SLC2A12: variants seen among roughly 807,000 people sequenced by gnomAD.
SLC2A12 encodes solute carrier family 2 member 12.
SLC2A12 carries 23 observed loss-of-function variants against 41.8 expected under a neutral mutation model. The observed-to-expected ratio is 0.55, with a 90% CI of 0.40 to 0.78. SLC2A12 has a LOEUF of 0.78. SLC2A12 is among the 30% of genes least tolerant of loss of function. The pLI, the probability that SLC2A12 is intolerant of heterozygous loss-of-function variation, is 0.00. For synonymous variants in SLC2A12, 295 were observed against 285.9 expected, an observed-to-expected ratio of 1.03 and a Z score of -0.32; for missense variants, 654 against 745.6, an observed-to-expected ratio of 0.88 and a Z score of 1.43.
chr6:134,020,097 A>G lies in SLC2A12; in HGVS notation c.1444+8284T>C, dbSNP rs539714469. Among the ~76,000 whole-genome samples the G allele has an allele frequency of 1.4e-3, 218 of 152,318 alleles. 1 individual carries two copies. Among genetic ancestry groups the G allele is most frequent in the African/African-American group, 5.1e-3 (212 of 41,570 alleles). On this transcript the variant is annotated intron_variant, in intron 2 of 4. Transcript: ENST00000275230. ...GGATTCTAAATTCTGGGGCAACCCA[A>G]TTATTTTACAGTTAGGGGAACAGGG...
chr6:134,028,924 C>A lies in SLC2A12; in HGVS notation c.901G>T (p.Ala301Ser). The change falls in exon 2 of 5, where the codon GCA (alanine) becomes TCA (serine). Residue 301 changes from alanine to serine, a missense_variant. Physicochemically the swap from Ala to Ser is moderately conservative, Grantham distance 99. Around this residue, in one of 3 missense-constraint regions of SLC2A12, gnomAD observed 411 missense variants for 412.1 expected, o/e 1.00. Coordinates refer to ENST00000275230, the MANE Select transcript of SLC2A12 (RefSeq NM_145176.3). ...CCAACTGACTTCAAAACAGTTGATG[C>A]ATAGAACAATATGTTTGGTTGGCCA... ...ITGQPNILFYASTVLKSVGFQ... is the reference protein window; with the variant it reads ...ITGQPNILFYSSTVLKSVGFQ... 6.2e-7 allele frequency: 1 copy of A among 1,614,216 alleles called. No homozygotes were observed.
At chr6:134,016,155 A>G (rs933985943) in intron 2 of SLC2A12, among the ~76,000 whole-genome samples, 15 of 152,138 alleles carry the variant, frequency 9.9e-5, no homozygotes, top group African/African-American at 3.4e-4. Flanking sequence ...GGCTGTTTGT[A>G]TAATAGCCTT....
intron 1 of SLC2A12, among the ~76,000 whole-genome samples, chr6:134,047,265 C>T (rs1777470415): frequency 6.6e-6 from 1 of 152,082 alleles, no homozygotes; most frequent in South Asian, 2.1e-4. Flanking sequence ...ATTTTAAAAT[C>T]TTATATAACC....
At chr6:134,002,534 C>T (rs186177930) in intron 3 of SLC2A12, among the ~76,000 whole-genome samples, 1 of 152,246 alleles carries the variant, frequency 6.6e-6, no homozygotes, top group African/African-American at 2.4e-5. Context: ...TCTTGGGAAT[C>T]GCCATGGTAG....
Position 134,029,364 on chromosome 6 carries a change from T to C in SLC2A12, c.461A>G (p.Tyr154Cys). 6.2e-7 allele frequency: 1 copy of C among 1,614,174 alleles called. No individual in the cohort carries two copies. The highest frequency in any genetic ancestry group is 8.5e-7 in the Non-Finnish European group (1 of 1,180,036). ...ISLSSIATCVYIAEIAPQHRR... is the reference protein window; with the variant it reads ...ISLSSIATCVCIAEIAPQHRR... ...GTGTTGAGGAGCAATCTCTGCGATG[T>C]AAACACAAGTGGCAATGGAAGAGAG... The change falls in exon 2 of 5, where the codon TAC (tyrosine) becomes TGC (cysteine). Residue 154 changes from tyrosine (Y) to cysteine (C), a missense_variant. Tyr to Cys is a radical substitution (Grantham distance 194, BLOSUM62 -2). Transcript: ENST00000275230.
chr6:134,052,342 C>T lies in SLC2A12; in HGVS notation c.103+36G>A, dbSNP rs773790794. The T allele has an allele frequency of 2.6e-6, 4 of 1,563,418 alleles. No individual in the cohort carries two copies. In the Admixed American group the frequency reaches 6.7e-5, roughly 26 times the overall value. On this transcript the variant is annotated intron_variant, in intron 1 of 4. Coordinates refer to ENST00000275230, the MANE Select transcript of SLC2A12 (RefSeq NM_145176.3). ...CTCGGGAGATGAGTACAGCTTGCTT[C>T]TCTGCGGTCACCCGAGCACTGCAGG...
intron 4 of SLC2A12, among the ~76,000 whole-genome samples, chr6:133,993,699 T>C (rs1211137023): frequency 6.6e-6 from 1 of 152,102 alleles, no homozygotes; most frequent in Non-Finnish European, 1.5e-5. Context: ...GGCTACACAA[T>C]TGGGATTTGA....
rs1554305066 is a variant in SLC2A12 at position 133,987,660 on chromosome 6, A to ATATATG, written c.*3494_*3495insCATATA. ...TGTGTGTGTGTGTGTATATATATAT[A>ATATATG]TATATATGCACCACATGTGTATAGT... On this transcript the variant is annotated 3_prime_UTR_variant, in exon 5 of 5. Coordinates refer to ENST00000275230, the MANE Select transcript of SLC2A12 (RefSeq NM_145176.3). 2.1e-5 allele frequency: 3 copies of ATATATG among 145,018 alleles called. No homozygotes were observed. Among genetic ancestry groups the ATATATG allele is most frequent in the Admixed American group, 7.1e-5 (1 of 14,034 alleles). 9.0% of individuals were successfully genotyped at this position (145,018 alleles called of 1,614,324 possible).
chr6:133,989,464 C>T lies in SLC2A12; in HGVS notation c.*1691G>A, dbSNP rs1303951329. 6.6e-6 allele frequency: 1 copy of T among 152,012 alleles called. No individual in the cohort carries two copies. Among genetic ancestry groups the T allele is most frequent in the African/African-American group, 2.4e-5 (1 of 41,376 alleles). 9.4% of individuals were successfully genotyped at this position (152,012 alleles called of 1,614,324 possible). On this transcript the variant is annotated 3_prime_UTR_variant, in exon 5 of 5. Coordinates refer to ENST00000275230, the MANE Select transcript of SLC2A12 (RefSeq NM_145176.3). ...ATAATGAAGGGCTAAACAAAAAATA[C>T]CTGAAGTATATATAGAGTTTGAACT...
chr6:134,005,659 T>TGAA (rs1406443549), intron 3 of SLC2A12, among the ~76,000 whole-genome samples: 30 of 64,966 alleles, frequency 4.6e-4, no homozygotes, highest in Non-Finnish European at 5.6e-4. Context: ...GACTCTGTCT[T>TGAA]AAAAAAAAAA....
At chr6:134,006,767 T>C (rs762561748) in intron 3 of SLC2A12, 45 bp downstream of exon 3, 41 of 1,610,200 alleles carry the variant, frequency 2.5e-5, no homozygotes, top group Non-Finnish European at 3.4e-5. Flanking sequence ...CTAACATTTG[T>C]CCTACGAGGA....
intron 2 of SLC2A12, among the ~76,000 whole-genome samples, chr6:134,019,639 T>C (rs1048119326): frequency 3.3e-5 from 5 of 152,154 alleles, no homozygotes; most frequent in African/African-American, 9.7e-5. Context: ...AGGGAGGGGC[T>C]CTTAGCCTCT....
intron 1 of SLC2A12, among the ~76,000 whole-genome samples, 197 bp downstream of exon 1, chr6:134,052,181 T>A (rs1773692961): frequency 6.6e-6 from 1 of 150,628 alleles, no homozygotes; most frequent in Non-Finnish European, 1.5e-5. Context: ...CTCCGAGCTG[T>A]CCCACGTCCC....
intron 1 of SLC2A12, among the ~76,000 whole-genome samples, chr6:134,049,523 C>T (rs1385517855): frequency 1.3e-5 from 2 of 152,178 alleles, no homozygotes; most frequent in African/African-American, 4.8e-5. Context: ...TCAGATTTCC[C>T]TTGTGTGAGT....
chr6:134,011,934 T>A (rs1398500920), intron 2 of SLC2A12, among the ~76,000 whole-genome samples: 4 of 152,020 alleles, frequency 2.6e-5, no homozygotes, highest in African/African-American at 9.7e-5. Flanking sequence ...CCCAGCTACT[T>A]GGGAAGCTAA....
chr6:133,992,214 G>A (rs754087006), intron 4 of SLC2A12, among the ~76,000 whole-genome samples: 5 of 152,146 alleles, frequency 3.3e-5, no homozygotes, highest in South Asian at 2.1e-4. Context: ...CATAGGAGGG[G>A]GAAATTGATG....
chr6:134,034,487 C>T (rs1777265546), intron 1 of SLC2A12, among the ~76,000 whole-genome samples: 2 of 152,198 alleles, frequency 1.3e-5, no homozygotes, highest in African/African-American at 2.4e-5. Context: ...GACTCTGATA[C>T]TTCAAGACTT....
At chr6:134,052,304 A>ACACACAC in intron 1 of SLC2A12, 74 bp downstream of exon 1, 1 of 783,536 alleles carries the variant, frequency 1.3e-6, no homozygotes, top group Non-Finnish European at 2.0e-6. Context: ...CACGGGACTC[A>ACACACAC]AGAGACAGTA....
chr6:133,996,101 T>G (rs1157624207), intron 4 of SLC2A12, among the ~76,000 whole-genome samples: 2 of 152,248 alleles, frequency 1.3e-5, no homozygotes, highest in Non-Finnish European at 2.9e-5. Context: ...CTGATAATGT[T>G]ATTGTAGAAC....
Sources: gnomAD v4.1 joint callset for allele counts (sites outside exome capture counted in the v4.1 genomes callset) on GRCh38, gnomAD v4.1.1 for gene constraint, gnomAD v4.1.1 regional missense constraint, MANE v1.5 for transcripts, NCBI Gene and HGNC (gene_info 2026-07-23, HGNC 2026-07-21) for gene names.